The following ANO6 variants were observed in gnomAD, a reference collection of about 807,000 sequenced individuals.
ANO6 encodes anoctamin 6, also known as anoctamin-6.
ANO6 carries 106 observed loss-of-function variants against 117.5 expected under a neutral mutation model. The observed-to-expected ratio is 0.90, with a 90% confidence interval of 0.77 to 1.06. The LOEUF is 1.06. Among genes scored for constraint, ANO6 ranks in the 50% least tolerant of loss-of-function variants. The probability of loss-of-function intolerance (pLI) is 0.00; values close to 1 mark genes in which losing one functional copy is unlikely to be tolerated. For synonymous variants in ANO6, 367 were observed against 385.1 expected, an observed-to-expected ratio of 0.95 and a Z score of 0.55; for missense variants, 955 against 1,121.1, an observed-to-expected ratio of 0.85 and a Z score of 2.12.
intron 1 of ANO6, among the ~76,000 whole-genome samples, chr12:45,290,136 G>A (rs1939047600): frequency 1.3e-5 from 2 of 151,986 alleles, no homozygotes; most frequent in African/African-American, 4.8e-5. Flanking sequence ...TTCACTGGGG[G>A]TGCATTAGTA....
chr12:45,373,008 T>G (rs1019955106), intron 9 of ANO6, among the ~76,000 whole-genome samples: 8 of 151,976 alleles, frequency 5.3e-5, no homozygotes, highest in African/African-American at 1.9e-4. Flanking sequence ...AATAAAAGGA[T>G]GGAGGAAGAT....
chr12:45,329,224 G>A (rs941395519), intron 2 of ANO6, among the ~76,000 whole-genome samples: 1 of 152,064 alleles, frequency 6.6e-6, no homozygotes, highest in Non-Finnish European at 1.5e-5. Context: ...TCCGTTATTT[G>A]TTACATATTC....
intron 2 of ANO6, among the ~76,000 whole-genome samples, chr12:45,328,963 A>G (rs1051151970): frequency 1.3e-5 from 2 of 152,182 alleles, no homozygotes; most frequent in African/African-American, 4.8e-5. Flanking sequence ...AAAGGTTGAG[A>G]GACCATTAAC....
chr12:45,238,151 C>CT (rs71437709), intron 1 of ANO6, among the ~76,000 whole-genome samples: 17,523 of 130,810 alleles, frequency 0.13, 1,713 homozygotes, highest in East Asian at 0.35. Flanking sequence ...TTTTCTTTTT[C>CT]TTTTTTTTTT....
chr12:45,310,215 A>G (rs181050585), intron 2 of ANO6, among the ~76,000 whole-genome samples: 5 of 152,250 alleles, frequency 3.3e-5, no homozygotes, highest in Non-Finnish European at 7.4e-5. Context: ...TTTGGAATAC[A>G]GAATGTTATT....
intron 1 of ANO6, among the ~76,000 whole-genome samples, chr12:45,262,045 C>G (rs1938055249): frequency 6.6e-6 from 1 of 152,072 alleles, no homozygotes; most frequent in Non-Finnish European, 1.5e-5. Context: ...ACCTTTCTAT[C>G]CATGCTGCTT....
At chr12:45,270,723 A>G (rs1208138976) in intron 1 of ANO6, among the ~76,000 whole-genome samples, 1 of 152,112 alleles carries the variant, frequency 6.6e-6, no homozygotes, top group African/African-American at 2.4e-5. Flanking sequence ...CCATTCCTAT[A>G]TGCATGCTTC....
At chr12:45,230,691 GAA>G (rs1404989365) in intron 1 of ANO6, among the ~76,000 whole-genome samples, 1 of 152,060 alleles carries the variant, frequency 6.6e-6, no homozygotes, top group East Asian at 1.9e-4. Flanking sequence ...TTCTACTAAA[GAA>G]AATATCTATG....
intron 1 of ANO6, among the ~76,000 whole-genome samples, chr12:45,252,117 G>A (rs78672146): frequency 0.014 from 2,205 of 152,292 alleles, 44 homozygotes; most frequent in East Asian, 0.068. Flanking sequence ...GAAGGGCACA[G>A]GATGTTTTTC....
At chr12:45,409,241 C>CA (rs1273333070) in intron 15 of ANO6, 116 bp from the exon 16 acceptor site, 11 of 1,387,212 alleles carry the variant, frequency 7.9e-6, no homozygotes, top group South Asian at 3.6e-5. Context: ...AGCATGCAAA[C>CA]AAAAAAATAG....
At chr12:45,426,746 C>T (rs1565775256) in intron 19 of ANO6, among the ~76,000 whole-genome samples, 1 of 152,140 alleles carries the variant, frequency 6.6e-6, no homozygotes, top group Admixed American at 6.6e-5. Flanking sequence ...CTATGCCAGT[C>T]ACTTATTCTC....
At chr12:45,394,563 A>T (rs1430682229) in intron 12 of ANO6, among the ~76,000 whole-genome samples, 1 of 152,198 alleles carries the variant, frequency 6.6e-6, no homozygotes, top group Non-Finnish European at 1.5e-5. Context: ...ACCACATCAC[A>T]TTTATTCTAA....
chr12:45,273,818 A>T (rs1161049685), intron 1 of ANO6, among the ~76,000 whole-genome samples: 5 of 152,158 alleles, frequency 3.3e-5, no homozygotes, highest in Admixed American at 3.3e-4. Context: ...CTTCCTTGGA[A>T]ACAGAGGCAT....
chr12:45,348,781 C>G (rs571543909), intron 6 of ANO6, 150 bp downstream of exon 6: 8 of 705,972 alleles, frequency 1.1e-5, no homozygotes, highest in African/African-American at 1.8e-5. Context: ...AGGGTAAGAA[C>G]TAGGTCTTTT....
At chr12:45,353,558 C>T (rs1225060810) in intron 7 of ANO6, among the ~76,000 whole-genome samples, 10 of 152,044 alleles carry the variant, frequency 6.6e-5, no homozygotes, top group Admixed American at 6.5e-4. Flanking sequence ...GTCCCTGGTC[C>T]ACATGTTCTT....
chr12:45,405,876 C>T (rs1245341789), intron 15 of ANO6, among the ~76,000 whole-genome samples: 1 of 152,032 alleles, frequency 6.6e-6, no homozygotes, highest in Non-Finnish European at 1.5e-5. Context: ...CATTGCACTC[C>T]AGCCTAGGCA....
At position 45,431,667 on chromosome 12, in the gene ANO6, C is replaced by T. The variant is rs1592060541; in HGVS notation, c.*2356C>T. 1.0e-6 allele frequency: 1 copy of T among 985,390 alleles called. No homozygotes were observed. The highest frequency in any genetic ancestry group is 1.2e-6 in the Non-Finnish European group (1 of 829,940). The allele number at this position is 985,390 out of a possible 1,614,324, so 61.0% of individuals were successfully genotyped here. The stretch of plus-strand genomic sequence containing the variant: ...CCATCCACAGTGTTTGTTAGTGAGT[C>T]CACGGCTGACTTGCAGTGATAAAGA... On this transcript the variant is annotated 3_prime_UTR_variant, in exon 20 of 20. Coordinates refer to ENST00000320560, the MANE Select transcript of ANO6 (RefSeq NM_001025356.3).
chr12:45,287,309 C>T (rs1256937967), intron 1 of ANO6, among the ~76,000 whole-genome samples: 1 of 152,084 alleles, frequency 6.6e-6, no homozygotes, highest in African/African-American at 2.4e-5. Context: ...CTGTGAGCTC[C>T]GGGGTTCACA....
chr12:45,403,167 G>T lies in ANO6; in HGVS notation c.1708G>T (p.Ala570Ser). The change falls in exon 14 of 20, where the codon GCA becomes TCA. Residue 570 changes from alanine to serine, a missense_variant. Transcript: ENST00000320560. Reference protein sequence around the residue: ...VNYYSSCFYIAFFKGKFVGYP... With the variant: ...VNYYSSCFYISFFKGKFVGYP... Reference sequence around the variant, plus strand: ...CTACTACTCTTCATGCTTCTACATAGCATTCTTTAAGGGCAAATTTGTAGG... The same window carrying T: ...CTACTACTCTTCATGCTTCTACATATCATTCTTTAAGGGCAAATTTGTAGG... 1 of 1,613,928 alleles carries T rather than the reference G, an allele frequency of 6.2e-7. No individual in the cohort carries two copies. The highest frequency in any genetic ancestry group is 2.2e-5 in the East Asian group (1 of 44,850).
Sources: allele counts gnomAD v4.1 joint callset (sites outside exome capture counted in the v4.1 genomes callset), GRCh38; gene constraint gnomAD v4.1.1; transcripts MANE v1.5; gene names NCBI Gene and HGNC (gene_info 2026-07-23, HGNC 2026-07-21).